The following DGKI variants were observed in gnomAD, a reference collection of about 807,000 sequenced individuals.
DGKI encodes the protein DAG kinase iota.
Under a neutral mutation model 147.5 loss-of-function variants are expected in DGKI, and 55 were observed. The ratio of observed to expected loss-of-function variants is 0.37; its 90% CI spans 0.30 to 0.47. The LOEUF (loss-of-function observed/expected upper bound fraction) is 0.47. Ranked by LOEUF, DGKI falls within the 20% of genes least tolerant of loss-of-function variation. The pLI, the probability that DGKI is intolerant of heterozygous loss-of-function variation, is 1.00. For missense variants in DGKI, 1,007 were observed against 1,323.8 expected, an observed-to-expected ratio of 0.76 and a Z score of 3.71; for synonymous variants, 469 against 477.1, an observed-to-expected ratio of 0.98 and a Z score of 0.22.
intron 21 of DGKI, among the ~76,000 whole-genome samples, chr7:137,496,160 C>T (rs1815957413): frequency 6.6e-6 from 1 of 152,000 alleles, no homozygotes; most frequent in East Asian, 1.9e-4. Flanking sequence ...TCCTATACAC[C>T]AACAACATCC....
rs1472454174 is a variant in DGKI, at chr7:137,472,283, T to A, written c.2374-2664A>T. Among the ~76,000 whole-genome samples the A allele has an allele frequency of 6.1e-3, 346 of 56,276 alleles. 17 individuals carry two copies. Among genetic ancestry groups the A allele is most frequent in the African/African-American group, 0.019 (339 of 18,314 alleles). The allele number at this position is 56,276 out of a possible 152,430, so 36.9% of individuals were successfully genotyped here. Reference sequence around the variant, plus strand: ...TTATATGTATATATACATATAATATTATATGTATGTGTATATTTATGTGTA... The same window carrying A: ...TTATATGTATATATACATATAATATAATATGTATGTGTATATTTATGTGTA... On this transcript the variant is annotated intron_variant, in intron 23 of 32. Transcript: ENST00000614521.
intron 2 of DGKI, among the ~76,000 whole-genome samples, chr7:137,680,780 C>T (rs1004789955): frequency 6.7e-6 from 1 of 149,334 alleles, no homozygotes; most frequent in East Asian, 2.0e-4. Flanking sequence ...TATTCTGACT[C>T]AAAAGAAAAG....
chr7:137,782,400 G>A (rs1453235066), intron 1 of DGKI, among the ~76,000 whole-genome samples: 2 of 151,974 alleles, frequency 1.3e-5, no homozygotes, highest in Non-Finnish European at 2.9e-5. Flanking sequence ...TAACTCCATT[G>A]GCCTGGGAAC....
intron 14 of DGKI, among the ~76,000 whole-genome samples, chr7:137,583,062 C>T (rs706558): frequency 0.99 from 150,580 of 152,228 alleles, 74,480 homozygotes; most frequent in East Asian, 1. Context: ...AGGAGAACTT[C>T]CTTTCATTAA....
intron 1 of DGKI, among the ~76,000 whole-genome samples, chr7:137,845,948 T>C (rs1220850905): frequency 1.3e-5 from 2 of 152,162 alleles, no homozygotes; most frequent in Non-Finnish European, 2.9e-5. Context: ...CTCTTCAGTG[T>C]AGTGCTATTC....
chr7:137,736,972 G>C (rs1218640964), intron 1 of DGKI, among the ~76,000 whole-genome samples: 2 of 152,042 alleles, frequency 1.3e-5, no homozygotes, highest in African/African-American at 2.4e-5. Context: ...TTATAAGCCA[G>C]ATTGAATCAA....
chr7:137,671,380 G>C (rs761881546), intron 3 of DGKI, among the ~76,000 whole-genome samples: 3 of 152,124 alleles, frequency 2.0e-5, no homozygotes, highest in African/African-American at 7.2e-5. Flanking sequence ...GAATATGGAT[G>C]CTACACACAG....
At chr7:137,509,909 T>C (rs1368389825) in intron 21 of DGKI, among the ~76,000 whole-genome samples, 1 of 151,724 alleles carries the variant, frequency 6.6e-6, no homozygotes, top group African/African-American at 2.4e-5. Context: ...ATTCATGACA[T>C]GATAAATGGA....
chr7:137,569,597 T>C (rs1728451), intron 19 of DGKI, among the ~76,000 whole-genome samples: 30,098 of 150,100 alleles, frequency 0.2, 5,023 homozygotes, highest in African/African-American at 0.45. Context: ...GGCGTGGTGG[T>C]GGGCGCCTGT....
chr7:137,722,344 G>A, intron 1 of DGKI: 2 of 1,612,762 alleles, frequency 1.2e-6, no homozygotes, highest in East Asian at 2.2e-5. Flanking sequence ...TCCTACTGAA[G>A]ATGTGCCTCG....
intron 1 of DGKI, among the ~76,000 whole-genome samples, chr7:137,743,033 G>C (rs1451928700): frequency 6.6e-6 from 1 of 152,118 alleles, no homozygotes; most frequent in African/African-American, 2.4e-5. Context: ...AAAGGACAAA[G>C]AAGGACACTA....
chr7:137,676,596 T>C (rs1400318713), intron 3 of DGKI, among the ~76,000 whole-genome samples: 1 of 152,052 alleles, frequency 6.6e-6, no homozygotes, highest in Non-Finnish European at 1.5e-5. Flanking sequence ...TGGAGGAGAG[T>C]TCTTCATCTT....
rs540245693 is a variant in DGKI, at chr7:137,427,301, C to T, written c.2762-15094G>A. Among the ~76,000 whole-genome samples, 299 of 152,276 alleles carry T rather than the reference C, an allele frequency of 2.0e-3. 1 individual carries two copies. Among genetic ancestry groups the T allele is most frequent in the African/African-American group, 6.8e-3 (283 of 41,544 alleles). On this transcript the variant is annotated intron_variant, in intron 28 of 32. Coordinates refer to ENST00000614521, the MANE Select transcript of DGKI (RefSeq NM_001321708.2). Reference sequence around the variant, plus strand: ...TGAACAACCTGCTCCTGAATGACTACTGGGTACATAAGGAAACGAAGGCAG... The same window carrying T: ...TGAACAACCTGCTCCTGAATGACTATTGGGTACATAAGGAAACGAAGGCAG...
chr7:137,430,627 A>C (rs1333288484), intron 28 of DGKI, among the ~76,000 whole-genome samples: 1 of 152,126 alleles, frequency 6.6e-6, no homozygotes, highest in African/African-American at 2.4e-5. Flanking sequence ...ATACTTATAC[A>C]TCCAAATGTA....
At chr7:137,631,237 C>G (rs1311633259) in intron 6 of DGKI, among the ~76,000 whole-genome samples, 5 of 152,172 alleles carry the variant, frequency 3.3e-5, no homozygotes, top group African/African-American at 1.2e-4. Flanking sequence ...TATACTAGTT[C>G]CCAGACAACT....
chr7:137,400,945 C>T (rs1336073691), intron 30 of DGKI, among the ~76,000 whole-genome samples: 1 of 152,174 alleles, frequency 6.6e-6, no homozygotes, highest in Admixed American at 6.5e-5. Flanking sequence ...TTTAAAAGCA[C>T]AGGTACATTT....
chr7:137,540,561 T>C (rs1485081275), intron 20 of DGKI, among the ~76,000 whole-genome samples: 1 of 151,900 alleles, frequency 6.6e-6, no homozygotes, highest in East Asian at 1.9e-4. Flanking sequence ...ACCATGTGCC[T>C]GTAGTCCCCA....
rs79234248 is a variant in DGKI, at chr7:137,622,176, G to T, written c.876+1307C>A. ...CCGAGTCTCTATCTAGTGACAGCAGGTTCTTCTGACATGTAGGAGGCTAGA... is the reference window on the plus strand; with the variant it reads ...CCGAGTCTCTATCTAGTGACAGCAGTTTCTTCTGACATGTAGGAGGCTAGA... On this transcript the variant is annotated intron_variant, in intron 7 of 32. Transcript: ENST00000614521. Among the ~76,000 whole-genome samples, 179 of 152,130 alleles carry T rather than the reference G, an allele frequency of 1.2e-3. 1 individual carries two copies. The highest frequency in any genetic ancestry group is 4.1e-3 in the African/African-American group (169 of 41,456).
intron 21 of DGKI, chr7:137,513,824 G>A (rs1009695190): frequency 2.6e-5 from 18 of 686,160 alleles, no homozygotes; most frequent in East Asian, 6.2e-5. Flanking sequence ...TCTTGCTCTC[G>A]GCCTTAGCGC....
Sources: gnomAD v4.1 joint callset for allele counts (sites outside exome capture counted in the v4.1 genomes callset) on GRCh38, gnomAD v4.1.1 for gene constraint, MANE v1.5 for transcripts, NCBI Gene and HGNC (gene_info 2026-07-23, HGNC 2026-07-21) for gene names.